Variants in KAZN observed in about 807,000 individuals in gnomAD.
KAZN encodes kazrin.
In KAZN, 40 loss-of-function variants were observed where a neutral mutation model predicts 87.4. The observed-to-expected ratio is 0.46, with a 90% CI of 0.36 to 0.60. The LOEUF (loss-of-function observed/expected upper bound fraction) is 0.60. Among genes scored for constraint, KAZN ranks in the 20% least tolerant of loss-of-function variants. KAZN has a pLI of 0.00. For synonymous variants in KAZN, 466 were observed against 458.3 expected (o/e 1.02, Z -0.22); for missense variants, 898 against 1,073.9 (o/e 0.84, Z 2.29).
At chr1:14,837,169 T>C (rs528065987) in intron 1 of KAZN, among the ~76,000 whole-genome samples, 1 of 152,216 alleles carries the variant, frequency 6.6e-6, no homozygotes, top group Non-Finnish European at 1.5e-5. Context: ...TCATTTATCA[T>C]TATGGTGCTA....
intron 1 of KAZN, among the ~76,000 whole-genome samples, chr1:14,804,686 A>G (rs1236646473): frequency 6.6e-6 from 1 of 152,216 alleles, no homozygotes; most frequent in African/African-American, 2.4e-5. Flanking sequence ...GGAGAGACAC[A>G]TCAGGCTCTT....
intron 2 of KAZN, among the ~76,000 whole-genome samples, chr1:14,243,261 C>A (rs1649144522): frequency 6.6e-6 from 1 of 152,278 alleles, no homozygotes; most frequent in African/African-American, 2.4e-5. Context: ...CCTGTCAGAG[C>A]CACCTGCATA....
chr1:14,579,105 G>A (rs1325079913), intron 2 of KAZN, among the ~76,000 whole-genome samples: 6 of 152,116 alleles, frequency 3.9e-5, no homozygotes, highest in Non-Finnish European at 5.9e-5. Flanking sequence ...CAGCTTTACC[G>A]TCAGTCCTCC....
intron 1 of KAZN, among the ~76,000 whole-genome samples, chr1:13,944,923 GA>G (rs1356538635): frequency 2.6e-5 from 4 of 151,706 alleles, no homozygotes; most frequent in African/African-American, 9.7e-5. Context: ...CAGTAACAAA[GA>G]AAAAAATCCA....
intron 2 of KAZN, among the ~76,000 whole-genome samples, chr1:14,967,955 G>A (rs971216305): frequency 7.2e-5 from 11 of 152,182 alleles, no homozygotes; most frequent in African/African-American, 9.6e-5. Context: ...ACCAGGGACC[G>A]GTTTCATGGA....
chr1:14,882,802 A>G (rs905167403), intron 1 of KAZN, among the ~76,000 whole-genome samples: 2 of 152,080 alleles, frequency 1.3e-5, no homozygotes, highest in African/African-American at 4.8e-5. Flanking sequence ...AGACCTTTCC[A>G]TGGATTATTT....
intron 1 of KAZN, among the ~76,000 whole-genome samples, chr1:14,812,299 T>G (rs1646436663): frequency 6.6e-6 from 1 of 152,166 alleles, no homozygotes; most frequent in Non-Finnish European, 1.5e-5. Flanking sequence ...AGACTACATT[T>G]CAACCCCTTC....
chr1:14,588,909 G>A (rs1031670803), intron 2 of KAZN, among the ~76,000 whole-genome samples: 50 of 152,274 alleles, frequency 3.3e-4, no homozygotes, highest in Admixed American at 2.6e-3. Context: ...GGACAGGTAC[G>A]TTCTTGCACT....
chr1:14,630,649 T>C (rs1679496365), intron 1 of KAZN, among the ~76,000 whole-genome samples: 1 of 152,170 alleles, frequency 6.6e-6, no homozygotes, highest in Non-Finnish European at 1.5e-5. Context: ...AAATGCTGTG[T>C]GTATATAAAT....
intron 2 of KAZN, among the ~76,000 whole-genome samples, chr1:14,233,294 G>A (rs967135156): frequency 1.3e-5 from 2 of 152,100 alleles, no homozygotes; most frequent in African/African-American, 4.8e-5. Flanking sequence ...ACCACACCCA[G>A]CTAATTTTTT....
chr1:13,962,543 G>C (rs1232856397), intron 1 of KAZN, among the ~76,000 whole-genome samples: 2 of 152,042 alleles, frequency 1.3e-5, no homozygotes, highest in Admixed American at 6.5e-5. Context: ...CCGGGTGATA[G>C]GCCTTATGCT....
At chr1:14,508,413 G>A (rs59199665) in intron 2 of KAZN, among the ~76,000 whole-genome samples, 1 of 152,040 alleles carries the variant, frequency 6.6e-6, no homozygotes, top group Non-Finnish European at 1.5e-5. Context: ...CTTCTTATTA[G>A]GCTCGCAGAT....
At chr1:14,728,169 C>G (rs138900714) in intron 1 of KAZN, among the ~76,000 whole-genome samples, 2,649 of 151,468 alleles carry the variant, frequency 0.017, 45 homozygotes, top group Non-Finnish European at 0.026. Context: ...ACCTGTAATC[C>G]CAGCTACTCG....
At chr1:14,734,633 T>C (rs1643836142) in intron 1 of KAZN, among the ~76,000 whole-genome samples, 2 of 152,202 alleles carry the variant, frequency 1.3e-5, no homozygotes, top group South Asian at 4.1e-4. Context: ...TTCTCTAACA[T>C]GGTCCCCTGT....
chr1:14,886,425 TACACAC>T (rs1184748565), intron 1 of KAZN, among the ~76,000 whole-genome samples: 2 of 139,822 alleles, frequency 1.4e-5, no homozygotes, highest in African/African-American at 5.3e-5. Context: ...CTTGTCTCTA[TACACAC>T]ACACATACAC....
chr1:14,957,195 C>T (rs1322704594), intron 1 of KAZN, among the ~76,000 whole-genome samples: 1 of 152,226 alleles, frequency 6.6e-6, no homozygotes, highest in African/African-American at 2.4e-5. Flanking sequence ...GCCCCAAAAG[C>T]AAACCTCCTA....
chr1:14,612,441 T>C (rs1246489603), intron 1 of KAZN, among the ~76,000 whole-genome samples: 1 of 152,228 alleles, frequency 6.6e-6, no homozygotes, highest in Non-Finnish European at 1.5e-5. Flanking sequence ...TTCATTGTTA[T>C]GAAATGAGGT....
At chr1:14,939,157 G>T (rs1367771495) in intron 1 of KAZN, among the ~76,000 whole-genome samples, 1 of 151,886 alleles carries the variant, frequency 6.6e-6, no homozygotes, top group Non-Finnish European at 1.5e-5. Context: ...ACTTTTAGTA[G>T]GGACAGGGTT....
intron 1 of KAZN, among the ~76,000 whole-genome samples, chr1:14,060,862 C>A (rs950491175): frequency 1.3e-5 from 2 of 152,172 alleles, no homozygotes; most frequent in African/African-American, 4.8e-5. Flanking sequence ...TGTTTGGTCA[C>A]CCTCCATGTA....
Sources: allele counts gnomAD v4.1 joint callset (sites outside exome capture counted in the v4.1 genomes callset), GRCh38; gene constraint gnomAD v4.1.1; transcripts MANE v1.5; gene names NCBI Gene and HGNC (gene_info 2026-07-23, HGNC 2026-07-21).